SNX29: variants seen among roughly 807,000 people sequenced by gnomAD.
The protein encoded by SNX29 is sorting nexin 29.
SNX29 carries 78 observed loss-of-function variants against 102.1 expected under a neutral mutation model. That is an observed-to-expected ratio of 0.76 (90% confidence interval 0.64 to 0.92). SNX29 has a LOEUF of 0.92. SNX29 is among the 40% of genes least tolerant of loss of function. The probability of loss-of-function intolerance (pLI) is 0.00; values close to 1 mark genes in which losing one functional copy is unlikely to be tolerated. For synonymous variants in SNX29, 580 were observed against 414.5 expected (o/e 1.40, Z -4.85); for missense variants, 1,280 against 1,061.7 (o/e 1.21, Z -2.86).
chr16:12,553,302 A>T (rs2078106206), intron 20 of SNX29, among the ~76,000 whole-genome samples: 1 of 152,212 alleles, frequency 6.6e-6, no homozygotes, highest in Non-Finnish European at 1.5e-5. Flanking sequence ...ATGAGTGGGC[A>T]CCTGGCCCTG....
rs573062164 is a variant in SNX29, at chr16:12,471,424, C to G, written c.2038-6295C>G. On this transcript the variant is annotated intron_variant, in intron 18 of 20. Transcript: ENST00000566228. ...ATCTTCATTTATCCAAATAGAGACT[C>G]AGGGCTTGAAGAGGTGAATTAACTT... Among the ~76,000 whole-genome samples the G allele has an allele frequency of 2.0e-5, 3 of 152,328 alleles. No homozygotes were observed. In the South Asian group the frequency reaches 6.2e-4, roughly 32 times the overall value.
At chr16:12,429,706 TTTAAG>T (rs1214638700) in intron 18 of SNX29, among the ~76,000 whole-genome samples, 1 of 152,356 alleles carries the variant, frequency 6.6e-6, no homozygotes, top group South Asian at 2.1e-4. Context: ...TTGCTCAACA[TTTAAG>T]TTTTTTTCTA....
At chr16:12,316,629 GC>G (rs2080754843) in intron 15 of SNX29, among the ~76,000 whole-genome samples, 4 of 152,048 alleles carry the variant, frequency 2.6e-5, no homozygotes, top group African/African-American at 9.7e-5. Context: ...CTCCTTCTGT[GC>G]CCCCCAAGGT....
intron 20 of SNX29, among the ~76,000 whole-genome samples, chr16:12,549,435 C>G (rs1037387611): frequency 2.6e-5 from 4 of 152,310 alleles, no homozygotes; most frequent in Non-Finnish European, 5.9e-5. Context: ...GTGGAGGTTG[C>G]AGTGACCTAA....
At chr16:12,377,674 G>T (rs186834689) in intron 16 of SNX29, among the ~76,000 whole-genome samples, 1 of 152,174 alleles carries the variant, frequency 6.6e-6, no homozygotes, top group Non-Finnish European at 1.5e-5. Flanking sequence ...TGGTGGTTAC[G>T]GTGGTGATGG....
intron 20 of SNX29, chr16:12,557,389 C>T (rs1005032723): frequency 1.3e-5 from 2 of 152,120 alleles, no homozygotes; most frequent in African/African-American, 4.8e-5. Context: ...CGAATAGAAA[C>T]AAGCCACCTT....
At chr16:12,048,108 C>G (rs1023323684) in intron 6 of SNX29, among the ~76,000 whole-genome samples, 1 of 151,758 alleles carries the variant, frequency 6.6e-6, no homozygotes, top group Admixed American at 6.6e-5. Flanking sequence ...CATGACTCAA[C>G]TCCCATGATA....
At chr16:12,208,597 C>G (rs1027884987) in intron 14 of SNX29, among the ~76,000 whole-genome samples, 6 of 152,218 alleles carry the variant, frequency 3.9e-5, no homozygotes, top group Middle Eastern at 3.4e-3. Context: ...CAAGATCAGC[C>G]TGGGCAAGAG....
intron 14 of SNX29, among the ~76,000 whole-genome samples, chr16:12,258,871 C>T (rs1297127244): frequency 6.6e-6 from 1 of 152,162 alleles, no homozygotes; most frequent in Non-Finnish European, 1.5e-5. Flanking sequence ...AGGAGGACTT[C>T]CAGCCTCCCT....
At chr16:12,348,299 G>C (rs2081883087) in intron 15 of SNX29, among the ~76,000 whole-genome samples, 1 of 152,164 alleles carries the variant, frequency 6.6e-6, no homozygotes, top group Admixed American at 6.5e-5. Flanking sequence ...TTCACCTGAA[G>C]CAGAAACCAT....
At chr16:12,060,099 G>A (rs1486478839) in intron 8 of SNX29, among the ~76,000 whole-genome samples, 6 of 151,976 alleles carry the variant, frequency 3.9e-5, no homozygotes, top group Admixed American at 3.9e-4. Flanking sequence ...GCATCCGTGA[G>A]TTCCGCATCT....
chr16:12,537,050 A>C (rs940933409), intron 20 of SNX29, among the ~76,000 whole-genome samples: 4 of 152,194 alleles, frequency 2.6e-5, no homozygotes, highest in African/African-American at 9.6e-5. Context: ...ACATTCACTG[A>C]GCATATTTAG....
intron 1 of SNX29, among the ~76,000 whole-genome samples, chr16:11,993,696 C>T (rs937507155): frequency 7.2e-5 from 11 of 152,130 alleles, no homozygotes; most frequent in African/African-American, 2.4e-5. Context: ...TTAATTTCTG[C>T]TCTTTCTCTC....
rs1341030520 is a variant in SNX29, at chr16:12,572,263, T to C, written c.*3634T>C. 5.8e-5 allele frequency: 61 copies of C among 1,058,846 alleles called. No individual in the cohort carries two copies. The highest frequency in any genetic ancestry group is 6.5e-5 in the Non-Finnish European group (57 of 874,342). 65.6% of individuals were successfully genotyped at this position (1,058,846 alleles called of 1,614,324 possible). Reference sequence around the variant, plus strand: ...ACCAGGTGGATTGATACCATGGCTGTAGCTGATGCAACTAACAAGTACTGG... The same window carrying C: ...ACCAGGTGGATTGATACCATGGCTGCAGCTGATGCAACTAACAAGTACTGG... On this transcript the variant is annotated 3_prime_UTR_variant, in exon 21 of 21. Transcript: ENST00000566228.
At chr16:12,135,707 T>C in intron 13 of SNX29, 1 of 944,066 alleles carries the variant, frequency 1.1e-6, no homozygotes, top group Non-Finnish European at 1.5e-6. Context: ...TTTTCATGTA[T>C]GTGAGCCAAT....
At position 12,515,751 on chromosome 16, in the gene SNX29, A is replaced by G. The variant is rs567648682; in HGVS notation, c.2179-8951A>G. Among the ~76,000 whole-genome samples the G allele has an allele frequency of 2.0e-5, 3 of 152,166 alleles. No homozygotes were observed. In the South Asian group the frequency reaches 6.2e-4, roughly 32 times the overall value. On this transcript the variant is annotated intron_variant, in intron 19 of 20. Coordinates refer to ENST00000566228, the MANE Select transcript of SNX29 (RefSeq NM_032167.5). ...GGGCAGGGGTCACATCTGTTTGCCAATACGTTCCTTCAAGGCACGGTGCCT... is the reference window on the plus strand; with the variant it reads ...GGGCAGGGGTCACATCTGTTTGCCAGTACGTTCCTTCAAGGCACGGTGCCT...
Position 12,098,276 on chromosome 16 carries a change from A to G in SNX29, c.1402+19361A>G, listed in dbSNP as rs1452114611. Among the ~76,000 whole-genome samples, 3 of 152,132 alleles carry G rather than the reference A, an allele frequency of 2.0e-5. No homozygotes were observed. The highest frequency in any genetic ancestry group is 4.4e-5 in the Non-Finnish European group (3 of 68,028). ...ATTTAAATTTTTGTTTTGCATAAGT[A>G]TATATTTACATGGAACAAAACTCAA... On this transcript the variant is annotated intron_variant, in intron 11 of 20. Coordinates refer to ENST00000566228, the MANE Select transcript of SNX29 (RefSeq NM_032167.5). The surrounding 1 kb of genome is among the most constrained non-coding windows in gnomAD (Gnocchi z 6.0).
chr16:12,255,112 CAT>C (rs771657218), intron 14 of SNX29, among the ~76,000 whole-genome samples: 125 of 152,194 alleles, frequency 8.2e-4, no homozygotes, highest in Non-Finnish European at 1.5e-3. Flanking sequence ...AGTTAATAAA[CAT>C]ATTCATCACT....
At chr16:12,218,268 A>G (rs57532230) in intron 14 of SNX29, among the ~76,000 whole-genome samples, 4,574 of 152,270 alleles carry the variant, frequency 0.03, 223 homozygotes, top group African/African-American at 0.1. Flanking sequence ...TAAAGAAGTT[A>G]ATCTCTCCCG....
Sources: allele counts gnomAD v4.1 joint callset (sites outside exome capture counted in the v4.1 genomes callset), GRCh38; gene constraint gnomAD v4.1.1; non-coding constraint Gnocchi (gnomAD v3.1); transcripts MANE v1.5; gene names NCBI Gene and HGNC (gene_info 2026-07-23, HGNC 2026-07-21).